The following SHISA6 variants were observed in gnomAD, a reference collection of about 807,000 sequenced individuals.
SHISA6 encodes shisa family member 6, also known as protein shisa-6.
In SHISA6, 22 loss-of-function variants were observed where a neutral mutation model predicts 47.9. That is an observed-to-expected ratio of 0.46 (90% CI 0.33 to 0.66). The LOEUF is 0.66. Among genes scored for constraint, SHISA6 ranks in the 30% least tolerant of loss-of-function variants. SHISA6 has a pLI of 0.02. For missense variants in SHISA6, 680 were observed against 764.6 expected (o/e 0.89, Z 1.30); for synonymous variants, 388 against 337.8 (o/e 1.15, Z -1.63).
chr17:11,539,023 C>T (rs1335850492), intron 3 of SHISA6, among the ~76,000 whole-genome samples: 1 of 152,190 alleles, frequency 6.6e-6, no homozygotes, highest in Non-Finnish European at 1.5e-5. Context: ...TTACTGCAAC[C>T]TCCACCTCCT....
chr17:11,509,918 T>C (rs975821338), intron 3 of SHISA6, among the ~76,000 whole-genome samples: 19 of 152,118 alleles, frequency 1.2e-4, no homozygotes, highest in African/African-American at 4.6e-4. Flanking sequence ...AAAGAGAGGC[T>C]TTGGAAACAC....
intron 3 of SHISA6, among the ~76,000 whole-genome samples, chr17:11,462,989 T>A (rs547140120): frequency 6.0e-4 from 92 of 152,322 alleles, no homozygotes; most frequent in African/African-American, 2.0e-3. Context: ...GGGAAGCTGA[T>A]CACTACCATG....
chr17:11,241,811 G>T lies in SHISA6; in HGVS notation c.389G>T (p.Cys130Phe). ...GGTACCTGCTACTACCGCTTCTGCT[G>T]CAAGAAGCGCCACGAGAAGCTGGAC... is the stretch of plus-strand genomic sequence containing the variant. ...CCGTCYYRFCCKKRHEKLDQR... is the reference protein window; with the variant it reads ...CCGTCYYRFCFKKRHEKLDQR... Residue 130 changes from cysteine to phenylalanine, a missense_variant, in exon 1 of 6, where the codon TGC becomes TTC. Physicochemically the swap from Cys to Phe is radical, Grantham distance 205. Coordinates refer to ENST00000441885, the MANE Select transcript of SHISA6 (RefSeq NM_207386.4). The surrounding 1 kb of genome is among the most constrained non-coding windows in gnomAD (Gnocchi z 5.5). The T allele has an allele frequency of 6.4e-7, 1 of 1,550,734 alleles. No individual in the cohort carries two copies. Among genetic ancestry groups the T allele is most frequent in the Non-Finnish European group, 8.7e-7 (1 of 1,146,988 alleles).
At chr17:11,345,334 G>A (rs1477514192) in intron 2 of SHISA6, among the ~76,000 whole-genome samples, 6 of 151,998 alleles carry the variant, frequency 3.9e-5, no homozygotes, top group Admixed American at 1.3e-4. Context: ...TGAGTCATAC[G>A]ATAATTCTAC....
chr17:11,282,686 C>G (rs2005815), intron 2 of SHISA6, among the ~76,000 whole-genome samples: 1 of 152,042 alleles, frequency 6.6e-6, no homozygotes, highest in Non-Finnish European at 1.5e-5. Context: ...GCTGAGAATG[C>G]TGGTTTCCAG....
chr17:11,506,733 T>C (rs1424780171), intron 3 of SHISA6, among the ~76,000 whole-genome samples: 1 of 152,260 alleles, frequency 6.6e-6, no homozygotes, highest in East Asian at 1.9e-4. Context: ...AGCATGTAAC[T>C]GCTGTGAGCT....
chr17:11,279,503 C>T (rs1262494803), intron 2 of SHISA6, among the ~76,000 whole-genome samples: 2 of 151,996 alleles, frequency 1.3e-5, no homozygotes, highest in African/African-American at 2.4e-5. Context: ...TTTTCAGGAC[C>T]GGAAACTCTG....
In SHISA6 at chr17:11,498,846, A is replaced by C. The variant is rs989611944; in HGVS notation, c.896-53050A>C. Among the ~76,000 whole-genome samples the C allele has an allele frequency of 3.3e-5, 5 of 152,106 alleles. No individual in the cohort carries two copies. The East Asian group carries it at 7.7e-4, about 23-fold the overall frequency. On this transcript the variant is annotated intron_variant, in intron 3 of 5. Coordinates refer to ENST00000441885, the MANE Select transcript of SHISA6 (RefSeq NM_207386.4). Reference sequence around the variant, plus strand: ...CTGAGCCTGTATCCCCATAACAACGAAGGATTTGCTTGATGATTTGGTGAG... The same window carrying C: ...CTGAGCCTGTATCCCCATAACAACGCAGGATTTGCTTGATGATTTGGTGAG...
At chr17:11,408,509 T>G (rs1914025926) in intron 3 of SHISA6, among the ~76,000 whole-genome samples, 1 of 152,208 alleles carries the variant, frequency 6.6e-6, no homozygotes, top group African/African-American at 2.4e-5. Flanking sequence ...TCCTAATATA[T>G]GACCGTACCA....
chr17:11,379,160 C>T (rs1220805922), intron 2 of SHISA6, among the ~76,000 whole-genome samples: 1 of 146,568 alleles, frequency 6.8e-6, no homozygotes, highest in Non-Finnish European at 1.5e-5. Flanking sequence ...CTAATATATA[C>T]ACACATATAT....
intron 3 of SHISA6, among the ~76,000 whole-genome samples, chr17:11,454,363 C>G (rs1915479984): frequency 6.6e-6 from 1 of 152,172 alleles, no homozygotes; most frequent in South Asian, 2.1e-4. Flanking sequence ...TCTCTGCACC[C>G]TCTTCCTACA....
At chr17:11,256,563 A>T (rs1908015442) in intron 1 of SHISA6, among the ~76,000 whole-genome samples, 1 of 152,144 alleles carries the variant, frequency 6.6e-6, no homozygotes, top group Non-Finnish European at 1.5e-5. Context: ...GCCCATTTGC[A>T]CCTTGTACAC....
Position 11,436,492 on chromosome 17 carries a change from G to C in SHISA6, c.895+56983G>C, listed in dbSNP as rs185493962. On this transcript the variant is annotated intron_variant, in intron 3 of 5. Transcript: ENST00000441885. ...AATTCACAACTACTTATGGATTTCT[G>C]ACTCCACCACATCCCTATTCTTTAT... 7.9e-5 allele frequency among the ~76,000 whole-genome samples: 12 copies of C among 152,186 alleles called. No homozygotes were observed. In the East Asian group the frequency reaches 1.5e-3, roughly 20 times the overall value.
chr17:11,308,937 T>A (rs1187332683), intron 2 of SHISA6, among the ~76,000 whole-genome samples: 1 of 152,212 alleles, frequency 6.6e-6, no homozygotes, highest in Non-Finnish European at 1.5e-5. Flanking sequence ...GATTGGGCAC[T>A]GCCAGTGGAG....
rs543055751 is a variant in SHISA6 at position 11,479,079 on chromosome 17, CT to C, written c.896-72809del. Among the ~76,000 whole-genome samples the C allele has an allele frequency of 7.9e-5, 12 of 151,592 alleles. No individual in the cohort carries two copies. In the South Asian group the frequency reaches 2.1e-3, roughly 26 times the overall value. Reference sequence around the variant, plus strand: ...CCAGTTAAACTACTTTTTTAAAAACCTTTTTTTTAATGGTTGCCCTAGAGTT... The same window carrying C: ...CCAGTTAAACTACTTTTTTAAAAACCTTTTTTTAATGGTTGCCCTAGAGTT... On this transcript the variant is annotated intron_variant, in intron 3 of 5. Transcript: ENST00000441885.
intron 2 of SHISA6, among the ~76,000 whole-genome samples, chr17:11,339,080 A>C (rs1911428752): frequency 1.3e-5 from 2 of 152,156 alleles, no homozygotes; most frequent in Admixed American, 1.3e-4. Flanking sequence ...ACATTCATAT[A>C]ATGCAGCATA....
Position 11,529,263 on chromosome 17 carries a change from G to A in SHISA6, c.896-22633G>A, listed in dbSNP as rs528539776. Among the ~76,000 whole-genome samples, 8 of 152,008 alleles carry A rather than the reference G, an allele frequency of 5.3e-5. No individual in the cohort carries two copies. The East Asian group carries it at 1.6e-3, about 29-fold the overall frequency. ...ACTATGGAATAGTTTCTGGATATAA[G>A]TTCGTAGTTAACTCTATAGGCCTAT... is the stretch of plus-strand genomic sequence containing the variant. On this transcript the variant is annotated intron_variant, in intron 3 of 5. Coordinates refer to ENST00000441885, the MANE Select transcript of SHISA6 (RefSeq NM_207386.4).
At chr17:11,443,981 T>TA (rs1353034537) in intron 3 of SHISA6, among the ~76,000 whole-genome samples, 2 of 152,190 alleles carry the variant, frequency 1.3e-5, no homozygotes, top group African/African-American at 4.8e-5. Flanking sequence ...ATTTATAAAA[T>TA]AAAGTCAGAG....
intron 2 of SHISA6, among the ~76,000 whole-genome samples, chr17:11,375,071 G>A (rs1317798149): frequency 6.6e-6 from 1 of 152,048 alleles, no homozygotes; most frequent in African/African-American, 2.4e-5. Context: ...GTTGGCTTGA[G>A]TGTTCTCCTT....
Sources: gnomAD v4.1 joint callset for allele counts (sites outside exome capture counted in the v4.1 genomes callset) on GRCh38, gnomAD v4.1.1 for gene constraint, Gnocchi (gnomAD v3.1) non-coding constraint, MANE v1.5 for transcripts, NCBI Gene and HGNC (gene_info 2026-07-23, HGNC 2026-07-21) for gene names.